The following FMN1 variants were observed in gnomAD, a reference collection of about 807,000 sequenced individuals.
The protein encoded by FMN1 is formin-1.
In FMN1, 110 loss-of-function variants were observed where a neutral mutation model predicts 132.4. The observed-to-expected ratio is 0.83, with a 90% CI of 0.71 to 0.97. The LOEUF is 0.97. Ranked by LOEUF, FMN1 falls within the 50% of genes least tolerant of loss-of-function variation. The pLI is 0.00. For synonymous variants in FMN1, 722 were observed against 651.7 expected (o/e 1.11, Z -1.64); for missense variants, 1,792 against 1,705.3 (o/e 1.05, Z -0.90).
chr15:32,863,198 C>G (rs1049839286), intron 16 of FMN1, among the ~76,000 whole-genome samples: 2 of 152,172 alleles, frequency 1.3e-5, no homozygotes, highest in Non-Finnish European at 2.9e-5. Context: ...AATCCCAGCA[C>G]TTTGGGAGGC....
intron 3 of FMN1, among the ~76,000 whole-genome samples, chr15:33,159,064 C>T (rs1964789388): frequency 6.6e-6 from 1 of 152,160 alleles, no homozygotes; most frequent in Admixed American, 6.6e-5. Context: ...TGCCCGTAAT[C>T]CCAGTTATTT....
At chr15:32,897,747 C>T (rs1357891728) in intron 15 of FMN1, among the ~76,000 whole-genome samples, 4 of 151,996 alleles carry the variant, frequency 2.6e-5, no homozygotes, top group Non-Finnish European at 5.9e-5. Context: ...GGTAGAACCT[C>T]GAAATAGAGA....
chr15:32,785,749 T>G (rs543659042), intron 19 of FMN1, among the ~76,000 whole-genome samples: 1 of 152,232 alleles, frequency 6.6e-6, no homozygotes, highest in African/African-American at 2.4e-5. Context: ...CCCTACCAGC[T>G]ACCTAGTACA....
chr15:33,040,356 T>A (rs760384933), intron 6 of FMN1, among the ~76,000 whole-genome samples: 2 of 152,174 alleles, frequency 1.3e-5, no homozygotes, highest in Admixed American at 6.5e-5. Flanking sequence ...TGTGTATTTG[T>A]AAACATTCCA....
intron 15 of FMN1, among the ~76,000 whole-genome samples, chr15:32,890,334 T>C (rs976840528): frequency 2.6e-5 from 4 of 152,248 alleles, no homozygotes; most frequent in Non-Finnish European, 5.9e-5. Context: ...TTCAGTTCTT[T>C]AAGGAGTCTC....
chr15:32,902,689 G>A (rs961675606), intron 12 of FMN1, among the ~76,000 whole-genome samples: 6 of 152,176 alleles, frequency 3.9e-5, no homozygotes, highest in Non-Finnish European at 1.5e-5. Flanking sequence ...TAAAAATGTG[G>A]CAAGACAGAT....
intron 19 of FMN1, among the ~76,000 whole-genome samples, chr15:32,784,873 T>C (rs2056799705): frequency 6.6e-6 from 1 of 152,188 alleles, no homozygotes; most frequent in African/African-American, 2.4e-5. Context: ...AGTTCCCTGA[T>C]TTCTGCCCTA....
chr15:33,156,212 G>A (rs1430860630), intron 3 of FMN1, among the ~76,000 whole-genome samples: 1 of 151,338 alleles, frequency 6.6e-6, no homozygotes, highest in Non-Finnish European at 1.5e-5. Context: ...CAGAATGCCA[G>A]GAGACCAGGA....
At chr15:33,057,071 G>A (rs910119536) in intron 6 of FMN1, among the ~76,000 whole-genome samples, 5 of 152,148 alleles carry the variant, frequency 3.3e-5, no homozygotes, top group Non-Finnish European at 7.4e-5. Flanking sequence ...TCAGCTACTC[G>A]GGAGGCTGAG....
chr15:32,791,767 T>C (rs2057087388), intron 19 of FMN1, among the ~76,000 whole-genome samples: 1 of 152,178 alleles, frequency 6.6e-6, no homozygotes, highest in Non-Finnish European at 1.5e-5. Flanking sequence ...CCAGCCTGCC[T>C]TTTGCTAATA....
intron 6 of FMN1, among the ~76,000 whole-genome samples, chr15:33,011,577 T>C (rs2034725398): frequency 6.6e-6 from 1 of 152,040 alleles, no homozygotes; most frequent in African/African-American, 2.4e-5. Context: ...CCTGATAAAT[T>C]TGACTACATT....
In FMN1 at chr15:33,079,574, G is replaced by A. The variant is rs553707342; in HGVS notation, c.2043+9225C>T. 7.2e-5 allele frequency among the ~76,000 whole-genome samples: 11 copies of A among 152,368 alleles called. No individual in the cohort carries two copies. The East Asian group carries it at 2.1e-3, about 29-fold the overall frequency. On this transcript the variant is annotated intron_variant, in intron 5 of 20. Transcript: ENST00000616417. ...GGAGGCAGAGGTTGGAGTGAGCTGA[G>A]ATCATGCCACTGCACTCCAGCCTCG...
intron 4 of FMN1, among the ~76,000 whole-genome samples, chr15:33,106,521 C>CA (rs1566920692): frequency 6.6e-6 from 1 of 152,048 alleles, no homozygotes; most frequent in Non-Finnish European, 1.5e-5. Context: ...CAGGAGCATC[C>CA]AGCAGGGTTG....
At chr15:33,015,264 C>G (rs2034974598) in intron 6 of FMN1, among the ~76,000 whole-genome samples, 1 of 152,184 alleles carries the variant, frequency 6.6e-6, no homozygotes, top group African/African-American at 2.4e-5. Context: ...ACCAGAATCA[C>G]TCGTAAACTT....
At chr15:32,950,132 A>G (rs1018604212) in intron 9 of FMN1, among the ~76,000 whole-genome samples, 1 of 143,204 alleles carries the variant, frequency 7.0e-6, no homozygotes, top group African/African-American at 2.6e-5. Flanking sequence ...TCAAAACCAC[A>G]ATGAGATACC....
chr15:32,823,169 T>TC (rs1198132762), intron 17 of FMN1, among the ~76,000 whole-genome samples: 40 of 117,432 alleles, frequency 3.4e-4, no homozygotes, highest in Non-Finnish European at 7.1e-4. Context: ...TTTTTTTTTT[T>TC]TTTTTTTTTT....
chr15:33,027,933 C>G (rs11072131), intron 6 of FMN1, among the ~76,000 whole-genome samples: 40,136 of 140,198 alleles, frequency 0.29, 5,615 homozygotes, highest in South Asian at 0.34. Context: ...CATCTCACCA[C>G]CTGTGATCCC....
At chr15:33,006,395 C>T (rs1324660353) in intron 7 of FMN1, among the ~76,000 whole-genome samples, 2 of 152,096 alleles carry the variant, frequency 1.3e-5, no homozygotes, top group Admixed American at 6.5e-5. Context: ...CAAAAGATTA[C>T]AAGTATTGGT....
At chr15:32,820,389 CTT>C (rs950632039) in intron 17 of FMN1, among the ~76,000 whole-genome samples, 6 of 152,146 alleles carry the variant, frequency 3.9e-5, no homozygotes, top group African/African-American at 1.2e-4. Context: ...AACTTCCACT[CTT>C]AAATATTTTG....
Sources: allele counts gnomAD v4.1 joint callset (sites outside exome capture counted in the v4.1 genomes callset), GRCh38; gene constraint gnomAD v4.1.1; transcripts MANE v1.5; gene names NCBI Gene and HGNC (gene_info 2026-07-23, HGNC 2026-07-21).